TBL1X: variants seen among roughly 807,000 people sequenced by gnomAD.
The protein encoded by TBL1X is transducin beta like 1 X-linked, also known as F-box-like/WD repeat-containing protein TBL1X.
A neutral mutation model predicts 50.7 loss-of-function variants in TBL1X; 10 were observed. The ratio of observed to expected loss-of-function variants is 0.20; its 90% CI spans 0.12 to 0.33. The LOEUF (loss-of-function observed/expected upper bound fraction) is 0.33. TBL1X is among the 10% of genes least tolerant of loss of function. The pLI, the probability that TBL1X is intolerant of heterozygous loss-of-function variation, is 1.00. For missense variants in TBL1X, 340 were observed against 504.4 expected, an observed-to-expected ratio of 0.67 and a Z score of 3.12; for synonymous variants, 190 against 214.7, an observed-to-expected ratio of 0.88 and a Z score of 1.01.
rs1197487342 is a variant in TBL1X at position 9,688,157 on chromosome X, T to TGCGGCC, written c.499_504dup (p.Ala167_Ala168dup). 23 of 1,197,165 alleles carry TGCGGCC rather than the reference T, an allele frequency of 1.9e-5. No individual in the cohort carries two copies. The highest frequency in any genetic ancestry group is 2.6e-5 in the Non-Finnish European group (23 of 888,451). ...AAGCCAGTGCGGCGGCGGCGGCGGC[T>TGCGGCC]GCGGCCACGGCAGCAGCGACAGCAG... On this transcript the variant is annotated inframe_insertion, in exon 7 of 18. Coordinates refer to ENST00000645353, the MANE Select transcript of TBL1X (RefSeq NM_005647.4).
Position 9,575,175 on chromosome X carries a change from C to T in TBL1X, c.-130-65098C>T, listed in dbSNP as rs781411216. ...AGGAGAGAGAGTGAGAGGGGAAGCG[C>T]CATACTTCTAAACCATTAGATCTCG... is the stretch of plus-strand genomic sequence containing the variant. On this transcript the variant is annotated intron_variant, in intron 2 of 17. Coordinates refer to ENST00000645353, the MANE Select transcript of TBL1X (RefSeq NM_005647.4). Among the ~76,000 whole-genome samples the T allele has an allele frequency of 2.7e-5, 3 of 111,253 alleles. No individual in the cohort carries two copies. In the South Asian group the frequency reaches 1.2e-3, roughly 43 times the overall value.
chrX:9,650,001 G>T (rs940502378), intron 3 of TBL1X, among the ~76,000 whole-genome samples: 1 of 111,736 alleles, frequency 8.9e-6, no homozygotes, highest in Non-Finnish European at 1.9e-5. Flanking sequence ...ATGTTGCCAA[G>T]GCTGGCCTCT....
At chrX:9,540,631 CTT>C (rs1352951067) in intron 2 of TBL1X, among the ~76,000 whole-genome samples, 1 of 112,683 alleles carries the variant, frequency 8.9e-6, no homozygotes, top group Non-Finnish European at 1.9e-5. Context: ...TATGTGCTGA[CTT>C]AGGAAGAGCA....
intron 5 of TBL1X, among the ~76,000 whole-genome samples, chrX:9,669,977 T>C (rs1015861042): frequency 2.7e-5 from 3 of 111,835 alleles, no homozygotes; most frequent in African/African-American, 9.8e-5. Context: ...CAAGCTAACC[T>C]GGGGGAAAAA....
intron 5 of TBL1X, among the ~76,000 whole-genome samples, chrX:9,675,168 G>C (rs1178953424): frequency 2.7e-5 from 3 of 112,089 alleles, no homozygotes; most frequent in Non-Finnish European, 5.6e-5. Context: ...GCTTGAGAAA[G>C]GGCATAGAGT....
At chrX:9,587,050 C>T (rs1032741167) in intron 2 of TBL1X, among the ~76,000 whole-genome samples, 28 of 112,047 alleles carry the variant, frequency 2.5e-4, no homozygotes, top group Admixed American at 2.4e-3. Flanking sequence ...GCCTGGAGCC[C>T]GGCTGGGTTA....
At chrX:9,674,269 T>G (rs1373399005) in intron 5 of TBL1X, among the ~76,000 whole-genome samples, 3 of 109,987 alleles carry the variant, frequency 2.7e-5, no homozygotes, top group Non-Finnish European at 5.7e-5. Context: ...CGATATATAT[T>G]TCATGTGTGG....
At chrX:9,642,759 G>A (rs780014964) in intron 3 of TBL1X, among the ~76,000 whole-genome samples, 2 of 112,622 alleles carry the variant, frequency 1.8e-5, no homozygotes, top group East Asian at 5.6e-4. Context: ...CGGTCTGTGC[G>A]GCAGCTGCTG....
chrX:9,588,936 A>G (rs1293055750), intron 2 of TBL1X, among the ~76,000 whole-genome samples: 6 of 110,820 alleles, frequency 5.4e-5, no homozygotes, highest in Admixed American at 2.9e-4. Flanking sequence ...GTATTACACT[A>G]TTGTTTCTTT....
At chrX:9,499,083 G>A (rs1180016909) in intron 1 of TBL1X, among the ~76,000 whole-genome samples, 2 of 111,984 alleles carry the variant, frequency 1.8e-5, no homozygotes, top group Non-Finnish European at 3.8e-5. Context: ...GTGACAGGCT[G>A]TGGCTGAATA....
chrX:9,688,005 T>G lies in TBL1X; in HGVS notation c.358-12T>G, dbSNP rs374933223. On this transcript the variant is annotated splice_polypyrimidine_tract_variant and intron_variant, in intron 6 of 17. Coordinates refer to ENST00000645353, the MANE Select transcript of TBL1X (RefSeq NM_005647.4). Reference sequence around the variant, plus strand: ...CGTGAGCTGACAGCTGTACCTTGGCTTGCTTCCCCAGGATGGCACAGTGTT... The same window carrying G: ...CGTGAGCTGACAGCTGTACCTTGGCGTGCTTCCCCAGGATGGCACAGTGTT... The G allele has an allele frequency of 2.4e-5, 29 of 1,196,238 alleles. No homozygotes were observed. The highest frequency in any genetic ancestry group is 3.2e-5 in the Non-Finnish European group (28 of 887,947).
chrX:9,615,297 T>C (rs2082633837), intron 2 of TBL1X, among the ~76,000 whole-genome samples: 1 of 112,334 alleles, frequency 8.9e-6, no homozygotes, highest in Non-Finnish European at 1.9e-5. Context: ...TCTTGTTCCC[T>C]AAACTGCTTC....
chrX:9,686,807 A>G (rs142895801), intron 6 of TBL1X, among the ~76,000 whole-genome samples: 6 of 112,365 alleles, frequency 5.3e-5, no homozygotes, highest in African/African-American at 1.6e-4. Context: ...GGGTGTGAAC[A>G]TATGAAGGAG....
chrX:9,713,267 TC>T (rs2083258924), intron 16 of TBL1X, among the ~76,000 whole-genome samples: 1 of 110,996 alleles, frequency 9.0e-6, no homozygotes, highest in Non-Finnish European at 1.9e-5. Flanking sequence ...GAGTCTCCGT[TC>T]CTGAAATCCT....
At chrX:9,683,496 A>C (rs2083038012) in intron 5 of TBL1X, among the ~76,000 whole-genome samples, 1 of 111,931 alleles carries the variant, frequency 8.9e-6, no homozygotes, top group Non-Finnish European at 1.9e-5. Context: ...CAGTCAGTCC[A>C]GGACGGCCTC....
At chrX:9,593,863 C>T (rs763379732) in intron 2 of TBL1X, among the ~76,000 whole-genome samples, 27 of 111,680 alleles carry the variant, frequency 2.4e-4, no homozygotes, top group Non-Finnish European at 4.5e-4. Context: ...GTCGGGCCCA[C>T]CTCCCTCCAC....
intron 16 of TBL1X, 38 bp downstream of exon 16, chrX:9,711,814 G>C: frequency 8.7e-7 from 1 of 1,151,586 alleles, no homozygotes; most frequent in Non-Finnish European, 1.2e-6. Context: ...CTTTTAGTAA[G>C]GGATGCCCAA....
chrX:9,673,205 A>C (rs142704260), intron 5 of TBL1X, among the ~76,000 whole-genome samples: 2 of 112,253 alleles, frequency 1.8e-5, no homozygotes, highest in East Asian at 5.6e-4. Flanking sequence ...TAGTAGAAAA[A>C]CATCAGGATT....
chrX:9,566,716 G>A (rs1361788055), intron 2 of TBL1X, among the ~76,000 whole-genome samples: 1 of 106,774 alleles, frequency 9.4e-6, no homozygotes, highest in Admixed American at 1.0e-4. Context: ...GCACCCTTTG[G>A]ATGCATTCCA....
Sources: allele counts gnomAD v4.1 joint callset (sites outside exome capture counted in the v4.1 genomes callset), GRCh38; gene constraint gnomAD v4.1.1; transcripts MANE v1.5; gene names NCBI Gene and HGNC (gene_info 2026-07-23, HGNC 2026-07-21).